The following CLCC1 variants were observed in gnomAD, a reference collection of about 807,000 sequenced individuals.
The protein encoded by CLCC1 is chloride channel CLIC like 1.
Under a neutral mutation model 63.3 loss-of-function variants are expected in CLCC1, and 39 were observed. The ratio of observed to expected loss-of-function variants is 0.62; its 90% CI spans 0.48 to 0.81. The LOEUF (loss-of-function observed/expected upper bound fraction) is 0.81. Among genes scored for constraint, CLCC1 ranks in the 30% least tolerant of loss-of-function variants. The pLI, the probability that CLCC1 is intolerant of heterozygous loss-of-function variation, is 0.00. For missense variants in CLCC1, 549 were observed against 669.4 expected, an observed-to-expected ratio of 0.82 and a Z score of 1.98; for synonymous variants, 217 against 239.8, an observed-to-expected ratio of 0.90 and a Z score of 0.88.
intron 2 of CLCC1, among the ~76,000 whole-genome samples, chr1:108,957,290 A>C (rs891036726): frequency 6.6e-6 from 1 of 151,470 alleles, no homozygotes; most frequent in Non-Finnish European, 1.5e-5. Context: ...GCCACGTAAT[A>C]GTTAAGTTCT....
rs1302511889 is a variant in CLCC1 at position 108,937,277 on chromosome 1, C to T, written c.1183G>A (p.Asp395Asn). ...TGGCCCCTATAATGGAAATCGGCAT[C>T]ACCTGCTCCACCATCAGGTCTATAA... ...IDYRPDGGAGDADFHYRGQMG... is the reference protein window; with the variant it reads ...IDYRPDGGAGNADFHYRGQMG... The change falls in exon 11 of 13, where the codon GAT becomes AAT. Residue 395 changes from aspartate (D) to asparagine (N), a missense_variant. Physicochemically the swap from Asp to Asn is conservative, Grantham distance 23 (BLOSUM62 1). Coordinates refer to ENST00000369969, the MANE Select transcript of CLCC1 (RefSeq NM_001377458.1). 1 of 1,614,236 alleles carries T rather than the reference C, an allele frequency of 6.2e-7. No homozygotes were observed. Among genetic ancestry groups the T allele is most frequent in the Non-Finnish European group, 8.5e-7 (1 of 1,180,026 alleles).
chr1:108,951,162 T>G (rs760229715), intron 2 of CLCC1, among the ~76,000 whole-genome samples: 4 of 152,086 alleles, frequency 2.6e-5, no homozygotes, highest in Non-Finnish European at 5.9e-5. Flanking sequence ...ATCCCAGCAC[T>G]TTGGGTAGGT....
At chr1:108,938,265 C>T (rs1653312704) in intron 10 of CLCC1, among the ~76,000 whole-genome samples, 1 of 152,152 alleles carries the variant, frequency 6.6e-6, no homozygotes, top group African/African-American at 2.4e-5. Context: ...TCAAACACTA[C>T]TATTTGAAGA....
intron 4 of CLCC1, 65 bp from the exon 5 acceptor site, chr1:108,947,783 A>T: frequency 9.3e-7 from 1 of 1,071,158 alleles, no homozygotes; most frequent in African/African-American, 1.6e-5. Flanking sequence ...TTAAGTTTCT[A>T]GCCTAGTGCT....
intron 11 of CLCC1, among the ~76,000 whole-genome samples, chr1:108,935,664 G>A (rs1250733537): frequency 6.6e-6 from 1 of 152,156 alleles, no homozygotes; most frequent in Non-Finnish European, 1.5e-5. Context: ...TACTCAGAAG[G>A]CTGAGGCAAA....
rs1260823587 is a variant in CLCC1, at chr1:108,931,549, G to T, written c.*998C>A. ...AAAAAGTCATTCAGGTGATTTGGAT[G>T]GGCAAATAGAACTATTTCTCTAATG... On this transcript the variant is annotated 3_prime_UTR_variant, in exon 13 of 13. Coordinates refer to ENST00000369969, the MANE Select transcript of CLCC1 (RefSeq NM_001377458.1). 4 of 1,489,146 alleles carry T rather than the reference G, an allele frequency of 2.7e-6. No homozygotes were observed. The highest frequency in any genetic ancestry group is 3.6e-6 in the Non-Finnish European group (4 of 1,112,514). 92.2% of individuals were successfully genotyped at this position (1,489,146 alleles called of 1,614,324 possible).
intron 11 of CLCC1, among the ~76,000 whole-genome samples, chr1:108,935,639 G>C (rs993204722): frequency 3.9e-5 from 6 of 152,140 alleles, no homozygotes; most frequent in Non-Finnish European, 5.9e-5. Context: ...GGTCGTATAT[G>C]CCTATAGTCC....
chr1:108,961,150 T>A (rs1656577087), intron 2 of CLCC1, among the ~76,000 whole-genome samples: 1 of 152,066 alleles, frequency 6.6e-6, no homozygotes, highest in Non-Finnish European at 1.5e-5. Context: ...AATAGAAGAA[T>A]CAGCTAGAAA....
chr1:108,946,438 T>C (rs979268038), intron 5 of CLCC1, among the ~76,000 whole-genome samples: 5 of 152,172 alleles, frequency 3.3e-5, no homozygotes, highest in South Asian at 2.1e-4. Context: ...AATTACAGAG[T>C]GTACGTATGA....
rs138000506 is a variant in CLCC1 at position 108,934,723 on chromosome 1, T to C, written c.1603A>G (p.Arg535Gly). Residue 535 changes from arginine to glycine, a missense_variant, in exon 12 of 13, where the codon AGA (arginine) becomes GGA (glycine). Transcript: ENST00000369969. ...PDQGSTYSPA[R>G]GVAGPRGQDP... ...TGTCCACGTGGTCCAGCCACACCTC[T>C]TGCGGGGCTGTATGTGCTGCCTTGG... 1 of 1,614,116 alleles carries C rather than the reference T, an allele frequency of 6.2e-7. No homozygotes were observed. Among genetic ancestry groups the C allele is most frequent in the South Asian group, 1.1e-5 (1 of 91,084 alleles).
At chr1:108,937,691 C>G (rs1048847586) in intron 10 of CLCC1, among the ~76,000 whole-genome samples, 2 of 152,134 alleles carry the variant, frequency 1.3e-5, no homozygotes, top group Non-Finnish European at 2.9e-5. Context: ...AGGCTGAAGC[C>G]TAGATATTTA....
At position 108,931,576 on chromosome 1, in the gene CLCC1, C is replaced by A; in HGVS notation, c.*971G>T. On this transcript the variant is annotated 3_prime_UTR_variant, in exon 13 of 13. Coordinates refer to ENST00000369969, the MANE Select transcript of CLCC1 (RefSeq NM_001377458.1). ...GCAAATAGAACTATTTCTCTAATGG[C>A]CAATGTTTTTTAAGAGTCATAACCT... 7.0e-7 allele frequency: 1 copy of A among 1,422,850 alleles called. No homozygotes were observed. The highest frequency in any genetic ancestry group is 9.3e-7 in the Non-Finnish European group (1 of 1,077,782). The allele number at this position is 1,422,850 out of a possible 1,614,324, so 88.1% of individuals were successfully genotyped here. A position where few individuals can be genotyped will look rare whatever the true frequency, so the allele number is the denominator to read the frequency against.
intron 4 of CLCC1, among the ~76,000 whole-genome samples, chr1:108,948,625 T>C (rs987750405): frequency 6.8e-6 from 1 of 147,912 alleles, no homozygotes; most frequent in Non-Finnish European, 1.5e-5. Context: ...CAGTTTATTT[T>C]CTAAACCTTA....
rs781541316 is a variant in CLCC1 at position 108,950,422 on chromosome 1, G to A, written c.16C>T (p.Leu6Phe). The A allele has an allele frequency of 1.2e-6, 2 of 1,608,040 alleles. No homozygotes were observed. Among genetic ancestry groups the A allele is most frequent in the South Asian group, 2.2e-5 (2 of 90,282 alleles). The change falls in exon 3 of 13, where the codon CTC (leucine) becomes TTC (phenylalanine). Residue 6 changes from leucine (L) to phenylalanine (F), a missense_variant. By Grantham distance (22) the Leu-to-Phe change is conservative. Transcript: ENST00000369969. MLCSL[L>F]LCECLLLVAG... Reference sequence around the variant, plus strand: ...ACCAGCAACAGACATTCACAAAGGAGCAAAGAACACAGCATCCTGTATAAG... The same window carrying A: ...ACCAGCAACAGACATTCACAAAGGAACAAAGAACACAGCATCCTGTATAAG...
rs1651512383 is a variant in CLCC1, at chr1:108,929,506, T to G, written c.*3041A>C. The G allele has an allele frequency of 1.6e-6, 1 of 614,976 alleles. No homozygotes were observed. Among genetic ancestry groups the G allele is most frequent in the Admixed American group, 2.9e-5 (1 of 33,938 alleles). 38.1% of individuals were successfully genotyped at this position (614,976 alleles called of 1,614,324 possible). The stretch of plus-strand genomic sequence containing the variant: ...TTTTAAAGGAAAAATTTTATGCAGT[T>G]TCAGGTTTAAAGATTATTTCTTTCA... On this transcript the variant is annotated 3_prime_UTR_variant, in exon 13 of 13. Transcript: ENST00000369969.
rs1275203181 is a variant in CLCC1 at position 108,932,371 on chromosome 1, C to CTGAT, written c.*172_*175dup. ...AGTCTTATCTCATCTCATCTCTTTT[C>CTGAT]TGATAACAAACACCCGATGTGTTCA... On this transcript the variant is annotated 3_prime_UTR_variant, in exon 13 of 13. Transcript: ENST00000369969. 6.6e-6 allele frequency: 1 copy of CTGAT among 152,154 alleles called. No homozygotes were observed. The highest frequency in any genetic ancestry group is 2.4e-5 in the African/African-American group (1 of 41,434). 9.4% of individuals were successfully genotyped at this position (152,154 alleles called of 1,614,324 possible).
At position 108,947,470 on chromosome 1, in the gene CLCC1, A is replaced by G. The variant is rs1654689969; in HGVS notation, c.339+141T>C. The G allele has an allele frequency of 2.4e-5, 14 of 579,154 alleles. No individual in the cohort carries two copies. The South Asian group carries it at 3.4e-4, about 14-fold the overall frequency. The allele number at this position is 579,154 out of a possible 1,614,324, so 35.9% of individuals were successfully genotyped here. A position where few individuals can be genotyped will look rare whatever the true frequency, so the allele number is the denominator to read the frequency against. ...CAGTATAGTAGTGCCTTTAATCCTG[A>G]ATGAATAGCTTCTGGTTAAAGAGTC... On this transcript the variant is annotated intron_variant, in intron 5 of 12. Coordinates refer to ENST00000369969, the MANE Select transcript of CLCC1 (RefSeq NM_001377458.1).
intron 2 of CLCC1, among the ~76,000 whole-genome samples, chr1:108,956,897 C>A (rs1477939921): frequency 3.8e-5 from 1 of 26,650 alleles, no homozygotes; most frequent in Non-Finnish European, 7.0e-5. Flanking sequence ...GGCGGGGAGG[C>A]GGGGAGGCGG....
rs1288852013 is a variant in CLCC1, at chr1:108,937,220, T to C, written c.1240A>G (p.Lys414Glu). 3.7e-6 allele frequency: 6 copies of C among 1,612,742 alleles called. No individual in the cohort carries two copies. Among genetic ancestry groups the C allele is most frequent in the African/African-American group, 1.3e-5 (1 of 74,842 alleles). ...MGPTEQGPYA[K>E]TYEGRREILR... ...ATCTCTCTTCTACCCTCATACGTTTTGGCATAAGGGCCTTGCTCAGTGGGG... is the reference window on the plus strand; with the variant it reads ...ATCTCTCTTCTACCCTCATACGTTTCGGCATAAGGGCCTTGCTCAGTGGGG... The change falls in exon 11 of 13, where the codon AAA becomes GAA. Residue 414 changes from lysine to glutamate, a missense_variant. By Grantham distance (56) the Lys-to-Glu change is moderately conservative. Transcript: ENST00000369969.
Sources: gnomAD v4.1 joint callset for allele counts (sites outside exome capture counted in the v4.1 genomes callset) on GRCh38, gnomAD v4.1.1 for gene constraint, MANE v1.5 for transcripts, NCBI Gene and HGNC (gene_info 2026-07-23, HGNC 2026-07-21) for gene names.